The following NEGR1 variants were observed in gnomAD, a reference collection of about 807,000 sequenced individuals.
NEGR1 encodes the protein IgLON family member 4.
NEGR1 carries 10 observed loss-of-function variants against 40.9 expected under a neutral mutation model. The observed-to-expected ratio is 0.24, with a 90% CI of 0.15 to 0.42. The LOEUF (loss-of-function observed/expected upper bound fraction) is 0.42, where lower values mean the gene tolerates loss of function less well. Among genes scored for constraint, NEGR1 ranks in the 10% least tolerant of loss-of-function variants. NEGR1 has a pLI of 1.00. For missense variants in NEGR1, 352 were observed against 438.9 expected (o/e 0.80, Z 1.77); for synonymous variants, 185 against 166.8 (o/e 1.11, Z -0.84).
intron 6 of NEGR1, among the ~76,000 whole-genome samples, chr1:71,561,928 C>T (rs200406092): frequency 7.1e-6 from 1 of 140,038 alleles, no homozygotes; most frequent in Non-Finnish European, 1.5e-5. Flanking sequence ...TTTGCTAGAG[C>T]TTTTTTTTTT....
At chr1:71,431,085 CT>C (rs1646465078) in intron 6 of NEGR1, among the ~76,000 whole-genome samples, 2 of 149,666 alleles carry the variant, frequency 1.3e-5, no homozygotes, top group African/African-American at 2.5e-5. Context: ...TTTTTATGAC[CT>C]TTTTTTTATG....
At chr1:72,043,943 A>G (rs895083532) in intron 1 of NEGR1, among the ~76,000 whole-genome samples, 39 of 151,982 alleles carry the variant, frequency 2.6e-4, no homozygotes, top group African/African-American at 8.2e-4. Context: ...TTATTTCTCA[A>G]TGATACAGAA....
chr1:71,988,622 G>C (rs1646422963), intron 1 of NEGR1, among the ~76,000 whole-genome samples: 1 of 150,046 alleles, frequency 6.7e-6, no homozygotes. Flanking sequence ...TTTCAGGTGA[G>C]GAAAACATAA....
chr1:71,540,027 A>G (rs556594119), intron 6 of NEGR1, among the ~76,000 whole-genome samples: 8 of 151,796 alleles, frequency 5.3e-5, no homozygotes, highest in African/African-American at 9.7e-5. Flanking sequence ...GTATGTTTCT[A>G]TCTACTTCAG....
At position 72,237,235 on chromosome 1, in the gene NEGR1, C is replaced by A. The variant is rs994461515; in HGVS notation, c.176+45084G>T. Among the ~76,000 whole-genome samples, 6 of 151,814 alleles carry A rather than the reference C, an allele frequency of 4.0e-5. No individual in the cohort carries two copies. The East Asian group carries it at 1.2e-3, about 29-fold the overall frequency. ...TTTACTTTCTTAAAATAGTGGAGTA[C>A]CCTACTACATTTGAAGTTCATTTAT... is the stretch of plus-strand genomic sequence containing the variant. On this transcript the variant is annotated intron_variant, in intron 1 of 6. Coordinates refer to ENST00000357731, the MANE Select transcript of NEGR1 (RefSeq NM_173808.3).
intron 2 of NEGR1, among the ~76,000 whole-genome samples, chr1:71,859,593 C>T (rs867457396): frequency 2.0e-5 from 3 of 151,968 alleles, no homozygotes; most frequent in Admixed American, 6.6e-5. Context: ...AACATGACTG[C>T]GTTCCGATAA....
At chr1:71,896,075 T>C (rs1660965106) in intron 2 of NEGR1, among the ~76,000 whole-genome samples, 1 of 146,698 alleles carries the variant, frequency 6.8e-6, no homozygotes, top group Non-Finnish European at 1.5e-5. Flanking sequence ...TCTGACTCTG[T>C]GGCCCAGGCT....
chr1:71,682,187 T>A (rs896183172), intron 4 of NEGR1, among the ~76,000 whole-genome samples: 1 of 152,094 alleles, frequency 6.6e-6, no homozygotes, highest in Non-Finnish European at 1.5e-5. Context: ...TTTAGTTATA[T>A]CTAACACATA....
chr1:72,089,205 ATG>A (rs1206928296), intron 1 of NEGR1, among the ~76,000 whole-genome samples: 1 of 152,112 alleles, frequency 6.6e-6, no homozygotes, highest in Admixed American at 6.6e-5. Context: ...AAAGCTTGAG[ATG>A]GCCACCTCTG....
At chr1:71,434,045 C>T (rs1646488167) in intron 6 of NEGR1, among the ~76,000 whole-genome samples, 1 of 152,020 alleles carries the variant, frequency 6.6e-6, no homozygotes, top group Non-Finnish European at 1.5e-5. Context: ...TGCAGTTAAC[C>T]TTTGAACAAT....
chr1:71,812,132 C>T (rs1570380368), intron 2 of NEGR1, among the ~76,000 whole-genome samples: 1 of 151,860 alleles, frequency 6.6e-6, no homozygotes, highest in Non-Finnish European at 1.5e-5. Flanking sequence ...CCATTTATAA[C>T]TGAGAACATG....
chr1:72,134,083 A>G (rs1030478649), intron 1 of NEGR1, among the ~76,000 whole-genome samples: 4 of 152,150 alleles, frequency 2.6e-5, no homozygotes, highest in Admixed American at 6.5e-5. Flanking sequence ...TTGCATTTAA[A>G]TGCTTGTTAA....
chr1:71,727,242 T>A (rs1244941739), intron 3 of NEGR1, among the ~76,000 whole-genome samples: 2 of 152,152 alleles, frequency 1.3e-5, no homozygotes, highest in East Asian at 1.9e-4. Flanking sequence ...TTATAATTTA[T>A]ACTTTTTGAT....
intron 1 of NEGR1, among the ~76,000 whole-genome samples, chr1:72,060,678 A>G (rs1647159328): frequency 6.6e-6 from 1 of 151,656 alleles, no homozygotes; most frequent in South Asian, 2.1e-4. Context: ...ATTCAATTTG[A>G]GTAGTACTCA....
chr1:71,584,469 A>C (rs539378343), intron 6 of NEGR1, among the ~76,000 whole-genome samples: 22 of 152,280 alleles, frequency 1.4e-4, no homozygotes, highest in Admixed American at 3.3e-4. Flanking sequence ...TTTAATCATA[A>C]TGATACTCAG....
chr1:71,673,297 T>C (rs1206093407), intron 4 of NEGR1, among the ~76,000 whole-genome samples: 1 of 152,180 alleles, frequency 6.6e-6, no homozygotes, highest in African/African-American at 2.4e-5. Context: ...ATGGGTATCT[T>C]TGTAAACAAG....
In NEGR1 at chr1:71,404,588, CCTT is replaced by C. The variant is rs1646266391; in HGVS notation, c.*2855_*2857del. 8.3e-5 allele frequency: 1 copy of C among 12,106 alleles called. No homozygotes were observed. The highest frequency in any genetic ancestry group is 5.8e-3 in the Non-Finnish European group (1 of 172). 0.7% of individuals were successfully genotyped at this position (12,106 alleles called of 1,614,324 possible). A position where few individuals can be genotyped will look rare whatever the true frequency, so the allele number is the denominator to read the frequency against. ...TCCTTCCTTCATTCCTTCCATCCTT[CCTT>C]TTTTTCCCTCTTTACTGCCTTTCCT... On this transcript the variant is annotated 3_prime_UTR_variant, in exon 7 of 7. Coordinates refer to ENST00000357731, the MANE Select transcript of NEGR1 (RefSeq NM_173808.3).
chr1:71,564,768 T>G (rs1648563877), intron 6 of NEGR1, among the ~76,000 whole-genome samples: 1 of 152,094 alleles, frequency 6.6e-6, no homozygotes, highest in East Asian at 1.9e-4. Context: ...TAATTATGTT[T>G]CACAAGGATA....
At chr1:71,650,272 T>G (rs1386406634) in intron 4 of NEGR1, among the ~76,000 whole-genome samples, 1 of 152,172 alleles carries the variant, frequency 6.6e-6, no homozygotes, top group Non-Finnish European at 1.5e-5. Context: ...ACAGGAGCTG[T>G]GATTGCCAGC....
Sources: gnomAD v4.1 joint callset for allele counts (sites outside exome capture counted in the v4.1 genomes callset) on GRCh38, gnomAD v4.1.1 for gene constraint, MANE v1.5 for transcripts, NCBI Gene and HGNC (gene_info 2026-07-23, HGNC 2026-07-21) for gene names.